The following CDH13 variants were observed in gnomAD, a reference collection of about 807,000 sequenced individuals.
The protein encoded by CDH13 is cadherin 13.
CDH13 carries 24 observed loss-of-function variants against 63.8 expected under a neutral mutation model. The ratio of observed to expected loss-of-function variants is 0.38; its 90% CI spans 0.27 to 0.53. The LOEUF is 0.53. Among genes scored for constraint, CDH13 ranks in the 20% least tolerant of loss-of-function variants. The pLI, the probability that CDH13 is intolerant of heterozygous loss-of-function variation, is 0.85. For missense variants in CDH13, 1,049 were observed against 903.1 expected (o/e 1.16, Z -2.07); for synonymous variants, 503 against 355.3 (o/e 1.42, Z -4.67).
chr16:83,368,666 C>G (rs766609430), intron 6 of CDH13, among the ~76,000 whole-genome samples: 69 of 150,632 alleles, frequency 4.6e-4, no homozygotes, highest in Non-Finnish European at 5.3e-4. Flanking sequence ...GTATCCGTTG[C>G]CATGCCCAAC....
chr16:83,503,720 C>T (rs1182050323), intron 7 of CDH13, among the ~76,000 whole-genome samples: 1 of 152,132 alleles, frequency 6.6e-6, no homozygotes, highest in East Asian at 1.9e-4. Flanking sequence ...TATCCTTCGC[C>T]TGCTTTTTAA....
chr16:83,551,940 A>G (rs1250987256), intron 7 of CDH13, among the ~76,000 whole-genome samples: 1 of 152,238 alleles, frequency 6.6e-6, no homozygotes, highest in African/African-American at 2.4e-5. Context: ...GGATGGGTAG[A>G]TAAGTGGATA....
chr16:83,317,423 C>G (rs1197993351), intron 5 of CDH13, among the ~76,000 whole-genome samples: 2 of 152,150 alleles, frequency 1.3e-5, no homozygotes, highest in East Asian at 3.9e-4. Flanking sequence ...TTTCATCAAC[C>G]AAAGCAAATC....
At chr16:83,622,183 C>A (rs1054232774) in intron 8 of CDH13, among the ~76,000 whole-genome samples, 3 of 152,164 alleles carry the variant, frequency 2.0e-5, no homozygotes, top group Non-Finnish European at 4.4e-5. Flanking sequence ...CGTAGGTACT[C>A]TTATTGTGCC....
intron 6 of CDH13, among the ~76,000 whole-genome samples, chr16:83,406,713 G>A (rs1286325176): frequency 2.6e-5 from 4 of 152,052 alleles, no homozygotes; most frequent in Admixed American, 6.6e-5. Context: ...TGATCCACCC[G>A]CCTCAACCTC....
chr16:83,364,288 G>T (rs1002697711), intron 6 of CDH13, among the ~76,000 whole-genome samples: 1 of 152,046 alleles, frequency 6.6e-6, no homozygotes, highest in African/African-American at 2.4e-5. Flanking sequence ...GCTGTGTTTT[G>T]GGTTTCCAGG....
chr16:83,330,286 C>T (rs1414896076), intron 5 of CDH13, among the ~76,000 whole-genome samples: 2 of 152,176 alleles, frequency 1.3e-5, no homozygotes, highest in African/African-American at 4.8e-5. Context: ...ATGCCAATAT[C>T]CTGCTTGTGA....
At chr16:83,229,042 G>A (rs2039928082) in intron 5 of CDH13, among the ~76,000 whole-genome samples, 1 of 152,098 alleles carries the variant, frequency 6.6e-6, no homozygotes, top group Non-Finnish European at 1.5e-5. Context: ...AAGAGTAGCA[G>A]GAATGCGGAC....
intron 6 of CDH13, among the ~76,000 whole-genome samples, chr16:83,381,927 T>G (rs4782783): frequency 5.3e-5 from 8 of 152,052 alleles, no homozygotes; most frequent in African/African-American, 1.9e-4. Flanking sequence ...TGCAGAGCTC[T>G]GCCTGTGCAC....
chr16:83,092,688 A>T (rs960335210), intron 3 of CDH13, among the ~76,000 whole-genome samples: 4 of 152,036 alleles, frequency 2.6e-5, no homozygotes, highest in Non-Finnish European at 2.9e-5. Flanking sequence ...TTCTCTGTTT[A>T]TTTTGAGTTG....
chr16:83,227,794 T>C (rs2039886309), intron 5 of CDH13, among the ~76,000 whole-genome samples: 1 of 152,086 alleles, frequency 6.6e-6, no homozygotes, highest in African/African-American at 2.4e-5. Flanking sequence ...ACTCGGCAGC[T>C]CCATCAGAAA....
intron 6 of CDH13, among the ~76,000 whole-genome samples, chr16:83,443,378 C>T (rs1296879122): frequency 1.3e-5 from 2 of 152,142 alleles, no homozygotes; most frequent in Non-Finnish European, 2.9e-5. Context: ...ACAGGACCAT[C>T]ATTAGGAGCA....
chr16:83,479,915 G>T (rs541093251), intron 6 of CDH13, among the ~76,000 whole-genome samples: 1 of 152,152 alleles, frequency 6.6e-6, no homozygotes. Context: ...GTGTCAAGTC[G>T]AATAAATGTC....
chr16:82,695,182 A>T (rs2030117257), intron 1 of CDH13, among the ~76,000 whole-genome samples: 3 of 152,152 alleles, frequency 2.0e-5, no homozygotes, highest in African/African-American at 7.2e-5. Context: ...TTGTCAACCT[A>T]GCTGCTTTGT....
rs549430521 is a variant in CDH13, at chr16:83,643,415, C to A, written c.1102-27375C>A. Reference sequence around the variant, plus strand: ...TACAAACGTGTGATCACACTCTCTTCAGTATATTGCCATCTGTCTCACGAT... The same window carrying A: ...TACAAACGTGTGATCACACTCTCTTAAGTATATTGCCATCTGTCTCACGAT... On this transcript the variant is annotated intron_variant, in intron 8 of 13. Transcript: ENST00000567109. 3.0e-5 allele frequency among the ~76,000 whole-genome samples: 4 copies of A among 134,206 alleles called. No individual in the cohort carries two copies. In the East Asian group the frequency reaches 5.8e-4, roughly 19 times the overall value. 88.0% of individuals were successfully genotyped at this position (134,206 alleles called of 152,430 possible). A position where few individuals can be genotyped will look rare whatever the true frequency, so the allele number is the denominator to read the frequency against.
intron 10 of CDH13, among the ~76,000 whole-genome samples, chr16:83,734,735 T>TAATAATAATAATAAG (rs1911372778): frequency 6.7e-6 from 1 of 148,322 alleles, no homozygotes; most frequent in African/African-American, 2.5e-5. Flanking sequence ...AGTATAATAA[T>TAATAATAATAATAAG]AATAATAATA....
intron 5 of CDH13, among the ~76,000 whole-genome samples, chr16:83,279,407 C>G (rs1260948044): frequency 6.6e-6 from 1 of 152,126 alleles, no homozygotes; most frequent in Non-Finnish European, 1.5e-5. Context: ...AATTGTTTTA[C>G]AATTCTGTTA....
intron 6 of CDH13, among the ~76,000 whole-genome samples, chr16:83,408,449 G>C (rs1217784879): frequency 6.6e-6 from 1 of 152,050 alleles, no homozygotes; most frequent in African/African-American, 2.4e-5. Flanking sequence ...CTTGCGCCTA[G>C]GCTACAAACC....
chr16:83,371,789 T>A (rs933295723), intron 6 of CDH13, among the ~76,000 whole-genome samples: 1 of 152,226 alleles, frequency 6.6e-6, no homozygotes, highest in East Asian at 1.9e-4. Context: ...TACCCCTGAA[T>A]GGACAGTGCT....
Sources: gnomAD v4.1 joint callset for allele counts (sites outside exome capture counted in the v4.1 genomes callset) on GRCh38, gnomAD v4.1.1 for gene constraint, MANE v1.5 for transcripts, NCBI Gene and HGNC (gene_info 2026-07-23, HGNC 2026-07-21) for gene names.